Variants in TNRC6B observed in about 807,000 individuals in gnomAD.
TNRC6B encodes trinucleotide repeat containing adaptor 6B.
Under a neutral mutation model 203.6 loss-of-function variants are expected in TNRC6B, and 52 were observed. The observed-to-expected ratio is 0.26, with a 90% CI of 0.20 to 0.32. The LOEUF is 0.32. Among genes scored for constraint, TNRC6B ranks in the 10% least tolerant of loss-of-function variants. TNRC6B has a pLI of 1.00. For missense variants in TNRC6B, 1,923 were observed against 2,286.2 expected, an observed-to-expected ratio of 0.84 and a Z score of 3.24; for synonymous variants, 838 against 845.7, an observed-to-expected ratio of 0.99 and a Z score of 0.16.
intron 3 of TNRC6B, among the ~76,000 whole-genome samples, chr22:40,151,749 T>G (rs965335727): frequency 2.7e-4 from 40 of 146,148 alleles, no homozygotes; most frequent in African/African-American, 9.9e-4. Flanking sequence ...TGAGAGAACC[T>G]CCCAGAAATT....
intron 3 of TNRC6B, chr22:40,125,963 G>A (rs184439539): frequency 4.5e-5 from 54 of 1,209,184 alleles, no homozygotes; most frequent in East Asian, 4.0e-4. Context: ...GTAAAAATTC[G>A]ATTGAGTTAA....
At chr22:40,246,180 A>T in intron 2 of TNRC6B, 78 bp downstream of exon 2, 4 of 1,130,116 alleles carry the variant, frequency 3.5e-6, no homozygotes, top group Non-Finnish European at 5.0e-6. Flanking sequence ...CTTGGCTTGA[A>T]TATCCGATAT....
chr22:40,141,913 T>TTCCGAGTA (rs2068647723), intron 3 of TNRC6B, among the ~76,000 whole-genome samples: 1 of 151,932 alleles, frequency 6.6e-6, no homozygotes, highest in African/African-American at 2.4e-5. Context: ...TAGCTGAGAC[T>TTCCGAGTA]GCAGGCACCC....
At chr22:40,286,175 A>C (rs1003437602) in intron 12 of TNRC6B, among the ~76,000 whole-genome samples, 2 of 152,190 alleles carry the variant, frequency 1.3e-5, no homozygotes, top group Non-Finnish European at 1.5e-5. Context: ...TCACCCAAAG[A>C]TAAAAAGAGA....
At chr22:40,121,652 C>T (rs1371965977) in intron 2 of TNRC6B, among the ~76,000 whole-genome samples, 2 of 152,228 alleles carry the variant, frequency 1.3e-5, no homozygotes, top group African/African-American at 4.8e-5. Context: ...CTGAGACTGC[C>T]TGCACAGCTG....
intron 12 of TNRC6B, among the ~76,000 whole-genome samples, chr22:40,299,158 C>CAAAAAAAAAAAAAAAAAA (rs796432826): frequency 9.7e-6 from 1 of 103,068 alleles, no homozygotes. Context: ...AAAAAAAAAA[C>CAAAAAAAAAAAAAAAAAA]AAAAAAAAAA....
At chr22:40,119,348 C>T (rs2068421727) in intron 2 of TNRC6B, among the ~76,000 whole-genome samples, 1 of 152,202 alleles carries the variant, frequency 6.6e-6, no homozygotes, top group African/African-American at 2.4e-5. Flanking sequence ...CTTTGGGAGG[C>T]CTAGGCGGGC....
chr22:40,138,584 C>G (rs2068620097), intron 3 of TNRC6B, among the ~76,000 whole-genome samples: 1 of 152,148 alleles, frequency 6.6e-6, no homozygotes, highest in Non-Finnish European at 1.5e-5. Context: ...TTACTTTTAA[C>G]TGGGTGTGGA....
intron 7 of TNRC6B, among the ~76,000 whole-genome samples, chr22:40,274,031 CAAAT>C (rs2070603234): frequency 6.6e-6 from 1 of 152,174 alleles, no homozygotes; most frequent in Non-Finnish European, 1.5e-5. Context: ...TTCTTGGAAA[CAAAT>C]AACTACTTCC....
chr22:40,277,549 T>C (rs2070661455), intron 8 of TNRC6B, among the ~76,000 whole-genome samples: 1 of 152,264 alleles, frequency 6.6e-6, no homozygotes, highest in Non-Finnish European at 1.5e-5. Context: ...ATTTCTGATT[T>C]CTTTATCTCT....
intron 2 of TNRC6B, among the ~76,000 whole-genome samples, chr22:40,119,355 G>A (rs956800041): frequency 3.9e-5 from 6 of 152,250 alleles, no homozygotes; most frequent in East Asian, 1.9e-4. Flanking sequence ...AGGCCTAGGC[G>A]GGCGGATCAC....
intron 4 of TNRC6B, among the ~76,000 whole-genome samples, chr22:40,163,135 C>T (rs1345804154): frequency 1.3e-5 from 2 of 151,846 alleles, no homozygotes; most frequent in African/African-American, 2.4e-5. Flanking sequence ...ACTTCAAGGT[C>T]GGGCATGGTG....
intron 1 of TNRC6B, among the ~76,000 whole-genome samples, chr22:40,070,515 C>T (rs929922475): frequency 2.6e-5 from 4 of 151,960 alleles, no homozygotes; most frequent in African/African-American, 7.3e-5. Context: ...GTGTTTCCTT[C>T]AGAAAGAAGT....
intron 12 of TNRC6B, 98 bp downstream of exon 12, chr22:40,285,868 A>G: frequency 1.4e-6 from 2 of 1,442,530 alleles, no homozygotes; most frequent in Non-Finnish European, 1.9e-6. Flanking sequence ...GAATGATAGT[A>G]AGTAGCATAA....
chr22:40,331,900 G>C lies in TNRC6B; in HGVS notation c.*8659G>C, dbSNP rs1281711361. 1 of 321,164 alleles carries C rather than the reference G, an allele frequency of 3.1e-6. No individual in the cohort carries two copies. Among genetic ancestry groups the C allele is most frequent in the Non-Finnish European group, 5.7e-6 (1 of 175,620 alleles). The allele number at this position is 321,164 out of a possible 1,614,324, so 19.9% of individuals were successfully genotyped here. On this transcript the variant is annotated 3_prime_UTR_variant, in exon 23 of 23. Transcript: ENST00000454349. ...AGCACAGTGAGATAGAGACCTCTGA[G>C]TCCTCTTGCCACTGTTGCTGGCAGG...
intron 1 of TNRC6B, among the ~76,000 whole-genome samples, chr22:40,111,829 G>A (rs1302412062): frequency 1.6e-4 from 25 of 152,210 alleles, no homozygotes; most frequent in African/African-American, 4.3e-4. Flanking sequence ...CAGGCTGGGC[G>A]CAGTGGCTCA....
chr22:40,200,842 G>A lies in TNRC6B; in HGVS notation c.5+22702G>A, dbSNP rs76491375. 1.9e-3 allele frequency among the ~76,000 whole-genome samples: 283 copies of A among 152,296 alleles called. 4 individuals carry two copies. Among genetic ancestry groups the A allele is most frequent in the Non-Finnish European group, 3.5e-3 (237 of 68,002 alleles). On this transcript the variant is annotated intron_variant, in intron 1 of 22. Coordinates refer to ENST00000454349, the MANE Select transcript of TNRC6B (RefSeq NM_001162501.2). ...GCATGGCCTTGTGTTATTTGGAGAAGCCATCATTTCTTTAAGTTCCCTCTC... is the reference window on the plus strand; with the variant it reads ...GCATGGCCTTGTGTTATTTGGAGAAACCATCATTTCTTTAAGTTCCCTCTC...
intron 1 of TNRC6B, among the ~76,000 whole-genome samples, chr22:40,052,388 A>G (rs192566420): frequency 4.0e-4 from 60 of 151,678 alleles, no homozygotes; most frequent in South Asian, 2.5e-3. Context: ...GCAGCTGTAC[A>G]CAGCCTCAGT....
intron 4 of TNRC6B, among the ~76,000 whole-genome samples, chr22:40,262,463 A>G (rs1359946723): frequency 6.6e-6 from 1 of 152,136 alleles, no homozygotes; most frequent in African/African-American, 2.4e-5. Context: ...TTGAGCCTCC[A>G]TAGTTCCACC....
Sources: gnomAD v4.1 joint callset for allele counts (sites outside exome capture counted in the v4.1 genomes callset) on GRCh38, gnomAD v4.1.1 for gene constraint, MANE v1.5 for transcripts, NCBI Gene and HGNC (gene_info 2026-07-23, HGNC 2026-07-21) for gene names.